The following USP9X variants were observed in gnomAD, a reference collection of about 807,000 sequenced individuals.
USP9X encodes the protein ubiquitin carboxyl-terminal hydrolase 9X.
Under a neutral mutation model 190.3 loss-of-function variants are expected in USP9X, and 7 were observed. That is an observed-to-expected ratio of 0.04 (90% CI 0.02 to 0.07). The LOEUF is 0.07. USP9X is among the 10% of genes least tolerant of loss of function. The pLI is 1.00. For missense variants in USP9X, 1,010 were observed against 1,916.9 expected (o/e 0.53, Z 8.83); for synonymous variants, 645 against 659.5 (o/e 0.98, Z 0.34).
intron 14 of USP9X, among the ~76,000 whole-genome samples, chrX:41,158,872 T>G (rs948101408): frequency 8.9e-6 from 1 of 111,839 alleles, no homozygotes; most frequent in African/African-American, 3.3e-5. Flanking sequence ...GAAAAAGCAT[T>G]TGTCCAATCC....
intron 22 of USP9X, 43 bp from the exon 23 acceptor site, chrX:41,184,354 A>G (rs1477942767): frequency 1.7e-6 from 2 of 1,156,893 alleles, no homozygotes; most frequent in Admixed American, 2.8e-5. Context: ...TTTTTTTTAA[A>G]TCTTTTAATA....
At chrX:41,137,126 T>TA (rs1447709066) in intron 6 of USP9X, 104 bp downstream of exon 6, 4 of 771,337 alleles carry the variant, frequency 5.2e-6, no homozygotes, top group Non-Finnish European at 7.4e-6. Flanking sequence ...AATAACACTT[T>TA]AAATGAAAAT....
chrX:41,133,710 G>T (rs913936667), intron 4 of USP9X, among the ~76,000 whole-genome samples: 1 of 111,817 alleles, frequency 8.9e-6, no homozygotes, highest in African/African-American at 3.2e-5. Flanking sequence ...TCTGTGCTTG[G>T]CTTATTTCAC....
At chrX:41,177,697 A>G (rs187916827) in intron 21 of USP9X, among the ~76,000 whole-genome samples, 25 of 112,394 alleles carry the variant, frequency 2.2e-4, no homozygotes, top group Admixed American at 2.0e-3. Context: ...TGATGGTTGC[A>G]AAATGGTAAT....
At chrX:41,206,727 C>G (rs1261828140) in intron 32 of USP9X, among the ~76,000 whole-genome samples, 1 of 110,172 alleles carries the variant, frequency 9.1e-6, no homozygotes, top group Admixed American at 9.7e-5. Flanking sequence ...TAATGTCTGT[C>G]TTCTTATGAT....
At chrX:41,122,906 A>G (rs901898126) in intron 1 of USP9X, among the ~76,000 whole-genome samples, 6 of 110,379 alleles carry the variant, frequency 5.4e-5, no homozygotes, top group African/African-American at 2.0e-4. Context: ...CCTCCTCTCC[A>G]CCTTTAGACA....
intron 17 of USP9X, 58 bp from the exon 18 acceptor site, chrX:41,167,949 T>C (rs879090651): frequency 9.8e-6 from 10 of 1,023,897 alleles, no homozygotes; most frequent in South Asian, 7.2e-5. Context: ...TGGATTAATA[T>C]TTGGTTTTTA....
intron 1 of USP9X, among the ~76,000 whole-genome samples, chrX:41,106,133 T>TAAA (rs1462972440): frequency 1.8e-5 from 2 of 112,294 alleles, no homozygotes; most frequent in Admixed American, 1.9e-4. Context: ...TTTAAAATTT[T>TAAA]GATAAAGTCC....
intron 14 of USP9X, among the ~76,000 whole-genome samples, chrX:41,153,880 C>A (rs73480425): frequency 1.0e-3 from 115 of 112,087 alleles, no homozygotes; most frequent in African/African-American, 3.6e-3. Context: ...ACTCAACTTA[C>A]CATTCATTTA....
intron 1 of USP9X, among the ~76,000 whole-genome samples, chrX:41,100,619 C>A (rs1178452947): frequency 2.7e-5 from 3 of 111,392 alleles, no homozygotes; most frequent in Non-Finnish European, 5.7e-5. Context: ...GGGCCCTTAG[C>A]ATGCAACTCT....
chrX:41,231,583 C>T (rs867923737), intron 44 of USP9X, among the ~76,000 whole-genome samples: 63 of 109,278 alleles, frequency 5.8e-4, no homozygotes, highest in African/African-American at 2.1e-3. Context: ...CAAAATTAGC[C>T]GGGTATGGTG....
chrX:41,159,030 A>G (rs1014024010), intron 14 of USP9X, among the ~76,000 whole-genome samples: 11 of 111,643 alleles, frequency 9.9e-5, no homozygotes, highest in African/African-American at 3.6e-4. Context: ...CAAGAATGAG[A>G]CAAAGATGTC....
At chrX:41,097,948 AATTTT>A (rs746776476) in intron 1 of USP9X, among the ~76,000 whole-genome samples, 9 of 111,590 alleles carry the variant, frequency 8.1e-5, no homozygotes, top group Non-Finnish European at 1.3e-4. Context: ...ATCTACTGTA[AATTTT>A]ATTTTAACTG....
At chrX:41,203,218 A>G (rs1272921191) in intron 31 of USP9X, among the ~76,000 whole-genome samples, 1 of 111,981 alleles carries the variant, frequency 8.9e-6, no homozygotes, top group East Asian at 2.8e-4. Flanking sequence ...GAAACTTACC[A>G]TCTGTTTTTA....
chrX:41,215,138 A>C (rs775720938), intron 34 of USP9X, among the ~76,000 whole-genome samples: 15 of 112,591 alleles, frequency 1.3e-4, no homozygotes, highest in Non-Finnish European at 2.4e-4. Context: ...ACTTTATTGA[A>C]CCACATAAGA....
At chrX:41,137,192 T>C (rs1263721924) in intron 6 of USP9X, among the ~76,000 whole-genome samples, 170 bp downstream of exon 6, 1 of 112,069 alleles carries the variant, frequency 8.9e-6, no homozygotes, top group Non-Finnish European at 1.9e-5. Context: ...TTGTTTTTTC[T>C]GCATGTATAA....
At chrX:41,161,868 C>A (rs972469169) in intron 14 of USP9X, among the ~76,000 whole-genome samples, 2 of 108,450 alleles carry the variant, frequency 1.8e-5, no homozygotes, top group East Asian at 5.8e-4. Flanking sequence ...GGATTACAGG[C>A]ATGAGCTAAA....
intron 19 of USP9X, 41 bp downstream of exon 19, chrX:41,170,276 C>T (rs994687664): frequency 1.7e-6 from 2 of 1,165,170 alleles, no homozygotes; most frequent in African/African-American, 3.6e-5. Flanking sequence ...TAAAATCAAA[C>T]CAGAGACTAT....
chrX:41,207,876 T>A (rs1025640186), intron 32 of USP9X, among the ~76,000 whole-genome samples: 3 of 110,667 alleles, frequency 2.7e-5, no homozygotes, highest in African/African-American at 9.9e-5. Context: ...CATTTTGCTT[T>A]TAGTCCCGTC....
Sources: gnomAD v4.1 joint callset for allele counts (sites outside exome capture counted in the v4.1 genomes callset) on GRCh38, gnomAD v4.1.1 for gene constraint, MANE v1.5 for transcripts, NCBI Gene and HGNC (gene_info 2026-07-23, HGNC 2026-07-21) for gene names.